ZFHX3: variants seen among roughly 807,000 people sequenced by gnomAD.
ZFHX3 encodes zinc finger homeobox protein 3.
ZFHX3 carries 42 observed loss-of-function variants against 279.1 expected under a neutral mutation model. The ratio of observed to expected loss-of-function variants is 0.15; its 90% CI spans 0.12 to 0.19. ZFHX3 has a LOEUF of 0.19. Ranked by LOEUF, ZFHX3 falls within the 10% of genes least tolerant of loss-of-function variation. ZFHX3 has a pLI of 1.00. For synonymous variants in ZFHX3, 2,293 were observed against 1,957.8 expected, an observed-to-expected ratio of 1.17 and a Z score of -4.52; for missense variants, 4,981 against 4,754.0, an observed-to-expected ratio of 1.05 and a Z score of -1.40.
At chr16:73,649,768 A>C (rs994129883) in intron 2 of ZFHX3, among the ~76,000 whole-genome samples, 3 of 152,192 alleles carry the variant, frequency 2.0e-5, no homozygotes, top group African/African-American at 4.8e-5. Context: ...ATAGCTGGGC[A>C]AGCCTCAGGA....
At chr16:73,448,766 T>A (rs573190438) in intron 3 of ZFHX3, among the ~76,000 whole-genome samples, 1 of 150,538 alleles carries the variant, frequency 6.6e-6, no homozygotes, top group Non-Finnish European at 1.5e-5. Flanking sequence ...ATATATGAAT[T>A]TTTTCTGTCT....
At chr16:72,813,700 TTTGCTC>T (rs1567529229) in intron 5 of ZFHX3, among the ~76,000 whole-genome samples, 1 of 152,128 alleles carries the variant, frequency 6.6e-6, no homozygotes, top group East Asian at 1.9e-4. Flanking sequence ...TCAAACCCAT[TTTGCTC>T]TTAATGGGAG....
Position 72,787,024 on chromosome 16 carries a change from CTTT to C in ZFHX3, c.*137_*139del. ...TAGGTATATGGGAAAACAACCCACGCTTTTTCTTTTTTTTCTTTTTTTTTTTTT... is the reference window on the plus strand; with the variant it reads ...TAGGTATATGGGAAAACAACCCACGCTTCTTTTTTTTCTTTTTTTTTTTTT... On this transcript the variant is annotated 3_prime_UTR_variant, in exon 10 of 10. Coordinates refer to ENST00000268489, the MANE Select transcript of ZFHX3 (RefSeq NM_006885.4). 1 of 975,786 alleles carries C rather than the reference CTTT, an allele frequency of 1.0e-6. No homozygotes were observed. The highest frequency in any genetic ancestry group is 1.3e-6 in the Non-Finnish European group (1 of 762,028). The allele number at this position is 975,786 out of a possible 1,614,324, so 60.4% of individuals were successfully genotyped here. A position where few individuals can be genotyped will look rare whatever the true frequency, so the allele number is the denominator to read the frequency against.
intron 5 of ZFHX3, among the ~76,000 whole-genome samples, chr16:73,184,737 C>G (rs998245120): frequency 6.6e-6 from 1 of 152,080 alleles, no homozygotes; most frequent in African/African-American, 2.4e-5. Context: ...TGAGGAGGCC[C>G]AAGGATTCAA....
At chr16:73,004,027 A>C (rs1963602696) in intron 1 of ZFHX3, among the ~76,000 whole-genome samples, 2 of 151,914 alleles carry the variant, frequency 1.3e-5, no homozygotes, top group Admixed American at 1.3e-4. Flanking sequence ...ATACGTTAAA[A>C]CAATGAGGTC....
At chr16:73,123,781 G>T (rs1567394066) in intron 7 of ZFHX3, among the ~76,000 whole-genome samples, 1 of 152,066 alleles carries the variant, frequency 6.6e-6, no homozygotes, top group African/African-American at 2.4e-5. Context: ...GGTTATGAGG[G>T]TAGAGCCCTC....
chr16:73,883,158 T>C (rs1469512128), intron 1 of ZFHX3, among the ~76,000 whole-genome samples: 11 of 152,170 alleles, frequency 7.2e-5, no homozygotes, highest in Non-Finnish European at 1.6e-4. Context: ...AGAATGACAT[T>C]AAGATGCTGA....
chr16:73,090,684 C>T (rs551602299), intron 8 of ZFHX3, among the ~76,000 whole-genome samples: 2 of 145,626 alleles, frequency 1.4e-5, no homozygotes, highest in South Asian at 2.2e-4. Flanking sequence ...CCCAGGAGTT[C>T]GAGACCAGCC....
intron 1 of ZFHX3, among the ~76,000 whole-genome samples, chr16:73,852,640 G>A (rs753961937): frequency 1.8e-4 from 27 of 152,064 alleles, no homozygotes; most frequent in Non-Finnish European, 1.0e-4. Context: ...ACAATCTCAG[G>A]TCCTTCAGCC....
At chr16:73,099,556 C>A (rs1253993030) in intron 7 of ZFHX3, among the ~76,000 whole-genome samples, 2 of 151,700 alleles carry the variant, frequency 1.3e-5, no homozygotes, top group Admixed American at 6.6e-5. Context: ...ACTAAAAATA[C>A]AAAAATTAGC....
intron 1 of ZFHX3, among the ~76,000 whole-genome samples, chr16:73,877,955 G>A (rs2030008307): frequency 6.6e-6 from 1 of 151,852 alleles, no homozygotes; most frequent in African/African-American, 2.4e-5. Flanking sequence ...ATTTAAAAAA[G>A]ATATTTAACA....
chr16:73,878,726 G>T (rs2030037395), intron 1 of ZFHX3, among the ~76,000 whole-genome samples: 1 of 151,580 alleles, frequency 6.6e-6, no homozygotes, highest in South Asian at 2.1e-4. Flanking sequence ...AATGCAAGAG[G>T]GAGGGGGGAC....
chr16:72,912,419 G>C (rs1022379897), intron 3 of ZFHX3, among the ~76,000 whole-genome samples: 1 of 152,182 alleles, frequency 6.6e-6, no homozygotes, highest in African/African-American at 2.4e-5. Flanking sequence ...TTAAGCGCTG[G>C]CCAAACGCTG....
chr16:73,179,386 T>TATC (rs1967740272), intron 5 of ZFHX3, among the ~76,000 whole-genome samples: 1 of 152,210 alleles, frequency 6.6e-6, no homozygotes, highest in Admixed American at 6.5e-5. Context: ...CCTCCATGAC[T>TATC]ATCAAGTTTT....
At chr16:73,206,892 C>T (rs902264821) in intron 5 of ZFHX3, among the ~76,000 whole-genome samples, 3 of 151,798 alleles carry the variant, frequency 2.0e-5, no homozygotes, top group African/African-American at 7.3e-5. Flanking sequence ...ATGGCGGGTA[C>T]CTGTAGTTGC....
rs1198173036 is a variant in ZFHX3 at position 72,787,275 on chromosome 16, A to C, written c.11001T>G (p.Asp3667Glu). The change falls in exon 10 of 10, where the codon GAT becomes GAG. Residue 3667 changes from aspartate (D) to glutamate (E), a missense_variant. Asp to Glu is a conservative substitution (Grantham distance 45). This residue lies in a region of ZFHX3 where 1,034 missense variants were observed against 786.0 expected (regional missense o/e 1.32). Transcript: ENST00000268489. Reference protein sequence around the residue: ...TDDYSEESDTDLSQKSDGPAS... With the variant: ...TDDYSEESDTELSQKSDGPAS... ...CCGGTCCGTCGGACTTTTGGCTGAG[A>C]TCCGTGTCAGACTCCTCCGAATAGT... 1 of 1,613,952 alleles carries C rather than the reference A, an allele frequency of 6.2e-7. No individual in the cohort carries two copies. The highest frequency in any genetic ancestry group is 1.3e-5 in the African/African-American group (1 of 74,960).
intron 5 of ZFHX3, among the ~76,000 whole-genome samples, chr16:73,194,396 C>T (rs565964520): frequency 6.6e-6 from 1 of 152,136 alleles, no homozygotes; most frequent in South Asian, 2.1e-4. Context: ...GATGGGGTTT[C>T]ACCATGTTAT....
At chr16:73,721,967 C>T (rs2053477635) in intron 1 of ZFHX3, among the ~76,000 whole-genome samples, 1 of 152,186 alleles carries the variant, frequency 6.6e-6, no homozygotes, top group African/African-American at 2.4e-5. Context: ...ACTGCTTCAG[C>T]TCGGAAGGTA....
chr16:73,173,629 G>C (rs980526889), intron 5 of ZFHX3, among the ~76,000 whole-genome samples: 1 of 152,102 alleles, frequency 6.6e-6, no homozygotes, highest in Non-Finnish European at 1.5e-5. Context: ...ATAAAACCCA[G>C]ATGAAGAACT....
Sources: allele counts gnomAD v4.1 joint callset (sites outside exome capture counted in the v4.1 genomes callset), GRCh38; gene constraint gnomAD v4.1.1; regional missense constraint gnomAD v4.1.1; transcripts MANE v1.5; gene names NCBI Gene and HGNC (gene_info 2026-07-23, HGNC 2026-07-21).